Variants in RALGAPB observed in about 807,000 individuals in gnomAD.
The protein encoded by RALGAPB is ral GTPase-activating protein subunit beta.
A neutral mutation model predicts 161.1 loss-of-function variants in RALGAPB; 25 were observed. That is an observed-to-expected ratio of 0.16 (90% CI 0.11 to 0.22). The LOEUF is 0.22. RALGAPB is among the 10% of genes least tolerant of loss of function. RALGAPB has a pLI of 1.00. For missense variants in RALGAPB, 1,391 were observed against 1,815.2 expected (o/e 0.77, Z 4.25); for synonymous variants, 629 against 626.1 (o/e 1.00, Z -0.07).
intron 23 of RALGAPB, among the ~76,000 whole-genome samples, chr20:38,560,832 G>A (rs1361081805): frequency 6.6e-6 from 1 of 152,192 alleles, no homozygotes; most frequent in Non-Finnish European, 1.5e-5. Flanking sequence ...ATTAATTTCT[G>A]TCTGCCAGCA....
intron 1 of RALGAPB, among the ~76,000 whole-genome samples, chr20:38,487,924 G>A (rs2122858113): frequency 6.6e-6 from 1 of 152,096 alleles, no homozygotes; most frequent in Non-Finnish European, 1.5e-5. Context: ...AAATTAGTCG[G>A]GCATGGTGGT....
chr20:38,541,387 G>A lies in RALGAPB; in HGVS notation c.2714+195G>A, dbSNP rs570591015. Among the ~76,000 whole-genome samples, 78 of 152,202 alleles carry A rather than the reference G, an allele frequency of 5.1e-4. No homozygotes were observed. The South Asian group carries it at 5.8e-3, about 11-fold the overall frequency. ...GTGTTTTGTAGACCAAAAGAAACTA[G>A]GAACTTGGGGTTGAGAGTTTGAGTC... On this transcript the variant is annotated intron_variant, in intron 18 of 29. Coordinates refer to ENST00000262879, the MANE Select transcript of RALGAPB (RefSeq NM_020336.4).
chr20:38,480,931 G>A (rs1310694625), intron 1 of RALGAPB, among the ~76,000 whole-genome samples: 1 of 151,208 alleles, frequency 6.6e-6, no homozygotes. Flanking sequence ...TAGTAGAGAC[G>A]GGGTTTCACC....
chr20:38,476,461 C>G (rs538147315), intron 1 of RALGAPB, among the ~76,000 whole-genome samples: 24 of 152,272 alleles, frequency 1.6e-4, no homozygotes, highest in African/African-American at 5.5e-4. Flanking sequence ...AGCAGGCCTC[C>G]TTCCTCTGGA....
chr20:38,524,021 A>G (rs1448137524), intron 10 of RALGAPB, among the ~76,000 whole-genome samples: 2 of 152,224 alleles, frequency 1.3e-5, no homozygotes, highest in Admixed American at 6.5e-5. Context: ...AGCAGTAACC[A>G]GTAGGTGATG....
At chr20:38,540,941 T>C (rs1279074403) in intron 17 of RALGAPB, 100 bp from the exon 18 acceptor site, 12 of 1,321,022 alleles carry the variant, frequency 9.1e-6, no homozygotes, top group Non-Finnish European at 1.1e-5. Flanking sequence ...ACTGGAGCCC[T>C]TCCACCAAAA....
chr20:38,536,255 C>G (rs1258821086), intron 16 of RALGAPB, among the ~76,000 whole-genome samples: 2 of 152,194 alleles, frequency 1.3e-5, no homozygotes, highest in African/African-American at 4.8e-5. Flanking sequence ...TGGTTTCTTT[C>G]ACTAAATGTA....
At position 38,546,172 on chromosome 20, in the gene RALGAPB, C is replaced by T. The variant is rs903163413; in HGVS notation, c.2715-71C>T. 5 of 1,600,468 alleles carry T rather than the reference C, an allele frequency of 3.1e-6. No individual in the cohort carries two copies. The African/African-American group carries it at 5.4e-5, about 17-fold the overall frequency. Reference sequence around the variant, plus strand: ...TAAAATTCAGAAGAGTGGAAGGGGACACATTGATGCACAAGGTAAACTGAA... The same window carrying T: ...TAAAATTCAGAAGAGTGGAAGGGGATACATTGATGCACAAGGTAAACTGAA... On this transcript the variant is annotated intron_variant, in intron 18 of 29. Coordinates refer to ENST00000262879, the MANE Select transcript of RALGAPB (RefSeq NM_020336.4).
At chr20:38,491,894 T>A (rs1292937706) in intron 2 of RALGAPB, among the ~76,000 whole-genome samples, 1 of 152,236 alleles carries the variant, frequency 6.6e-6, no homozygotes, top group Non-Finnish European at 1.5e-5. Flanking sequence ...GTCTTGGTGA[T>A]CATGCTTCTC....
intron 17 of RALGAPB, among the ~76,000 whole-genome samples, chr20:38,540,345 C>T (rs1455968168): frequency 6.6e-6 from 1 of 152,212 alleles, no homozygotes; most frequent in Non-Finnish European, 1.5e-5. Context: ...ATAAAGGTTG[C>T]TTCTATCGAA....
chr20:38,531,057 T>A, intron 13 of RALGAPB, 110 bp from the exon 14 acceptor site: 3 of 933,264 alleles, frequency 3.2e-6, no homozygotes, highest in Non-Finnish European at 4.9e-6. Context: ...ATTTCAGGAA[T>A]GCTCAACCAA....
chr20:38,503,320 C>A (rs189155866), intron 5 of RALGAPB, among the ~76,000 whole-genome samples: 19 of 152,250 alleles, frequency 1.2e-4, no homozygotes, highest in Non-Finnish European at 2.9e-5. Context: ...CACCTCTAGT[C>A]CCTATTGTTC....
intron 6 of RALGAPB, among the ~76,000 whole-genome samples, 171 bp downstream of exon 6, chr20:38,509,379 C>G (rs180956218): frequency 5.4e-4 from 83 of 152,316 alleles, no homozygotes; most frequent in African/African-American, 1.9e-3. Context: ...CTGCTCTCCC[C>G]GTCCCAGCAG....
At chr20:38,528,345 TTTTATTTATTTATTTATTTATTTA>T (rs55916951) in intron 13 of RALGAPB, among the ~76,000 whole-genome samples, 47 of 147,360 alleles carry the variant, frequency 3.2e-4, no homozygotes, top group South Asian at 2.1e-3. Flanking sequence ...TTCATTTTAT[TTTTATTTATTTATTTATTTATTTA>T]TTTATTTATT....
intron 21 of RALGAPB, 82 bp from the exon 22 acceptor site, chr20:38,553,785 A>AAAG: frequency 1.3e-6 from 1 of 751,280 alleles, no homozygotes; most frequent in East Asian, 3.3e-5. Flanking sequence ...CTCAAAAAAA[A>AAAG]AAAAAAAAAA....
At chr20:38,546,145 A>G (rs536244578) in intron 18 of RALGAPB, 98 bp from the exon 19 acceptor site, 16 of 1,573,024 alleles carry the variant, frequency 1.0e-5, no homozygotes, top group African/African-American at 4.0e-5. Context: ...GCTGTGGTCA[A>G]TTAAAATTCA....
At position 38,577,203 on chromosome 20, in the gene RALGAPB, C is replaced by T. The variant is rs1220869649; in HGVS notation, c.*2236C>T. ...CCTTCTGCTCACAATAACATCTGCCCAAAGAGGGAGTGGGAAGAACGCTTA... is the reference window on the plus strand; with the variant it reads ...CCTTCTGCTCACAATAACATCTGCCTAAAGAGGGAGTGGGAAGAACGCTTA... On this transcript the variant is annotated 3_prime_UTR_variant, in exon 30 of 30. Transcript: ENST00000262879. 6.6e-6 allele frequency: 1 copy of T among 152,140 alleles called. No individual in the cohort carries two copies. Among genetic ancestry groups the T allele is most frequent in the South Asian group, 2.1e-4 (1 of 4,820 alleles). The allele number at this position is 152,140 out of a possible 1,614,324, so 9.4% of individuals were successfully genotyped here. A position where few individuals can be genotyped will look rare whatever the true frequency, so the allele number is the denominator to read the frequency against.
At chr20:38,475,390 C>G (rs1331816524) in intron 1 of RALGAPB, among the ~76,000 whole-genome samples, 1 of 152,046 alleles carries the variant, frequency 6.6e-6, no homozygotes, top group East Asian at 1.9e-4. Flanking sequence ...TGCCATTGCC[C>G]CATTTGCCAT....
intron 18 of RALGAPB, among the ~76,000 whole-genome samples, chr20:38,542,084 C>T (rs1347212047): frequency 6.6e-6 from 1 of 152,018 alleles, no homozygotes; most frequent in African/African-American, 2.4e-5. Context: ...CATTTGTGGA[C>T]TGAATGGAAC....
Sources: allele counts gnomAD v4.1 joint callset (sites outside exome capture counted in the v4.1 genomes callset), GRCh38; gene constraint gnomAD v4.1.1; transcripts MANE v1.5; gene names NCBI Gene and HGNC (gene_info 2026-07-23, HGNC 2026-07-21).